Variants in CRYBA2 observed in about 807,000 individuals in gnomAD.
The protein encoded by CRYBA2 is beta-crystallin A2.
A neutral mutation model predicts 18.5 loss-of-function variants in CRYBA2; 17 were observed. The ratio of observed to expected loss-of-function variants is 0.92; its 90% CI spans 0.63 to 1.38. The LOEUF (loss-of-function observed/expected upper bound fraction) is 1.38, where lower values mean the gene tolerates loss of function less well. Ranked by LOEUF, CRYBA2 falls within the 40% of genes most tolerant of loss-of-function variation. The probability of loss-of-function intolerance (pLI) is 0.00; values close to 1 mark genes in which losing one functional copy is unlikely to be tolerated. For missense variants in CRYBA2, 271 were observed against 265.0 expected (o/e 1.02, Z -0.16); for synonymous variants, 101 against 106.2 (o/e 0.95, Z 0.30).
chr2:218,992,336 C>T (rs763366334), intron 1 of CRYBA2, 93 bp from the exon 2 acceptor site: 13 of 1,363,496 alleles, frequency 9.5e-6, no homozygotes, highest in Admixed American at 4.2e-5. Flanking sequence ...CTGAGAAGCA[C>T]AATGTTTTTC....
Position 218,990,898 on chromosome 2 carries a change from C to A in CRYBA2, c.400G>T (p.Gly134Cys). 1 of 1,614,158 alleles carries A rather than the reference C, an allele frequency of 6.2e-7. No individual in the cohort carries two copies. Among genetic ancestry groups the A allele is most frequent in the East Asian group, 2.2e-5 (1 of 44,882 alleles). ...GAACCCACATCCTTGCTGGCCCAGC[C>A]CATGGAGGGCAGGGATGGGTAGTCA... is the stretch of plus-strand genomic sequence containing the variant. Reference protein sequence around the residue: ...VDDYPSLPSMGWASKDVGSLK... With the variant: ...VDDYPSLPSMCWASKDVGSLK... Residue 134 changes from glycine to cysteine, a missense_variant, in exon 3 of 4, where the codon GGC becomes TGC. Transcript: ENST00000295728.
chr2:218,992,945 G>T, intron 1 of CRYBA2, 71 bp downstream of exon 1: 6 of 1,282,258 alleles, frequency 4.7e-6, no homozygotes, highest in Middle Eastern at 1.9e-4. Context: ...AGGGGGCTGA[G>T]GCTCTGAGCC....
At position 218,990,965 on chromosome 2, in the gene CRYBA2, A is replaced by C. The variant is rs2106017748; in HGVS notation, c.333T>G (p.Phe111Leu). The C allele has an allele frequency of 1.2e-6, 2 of 1,614,164 alleles. No individual in the cohort carries two copies. The highest frequency in any genetic ancestry group is 2.2e-5 in the East Asian group (1 of 44,880). Residue 111 changes from phenylalanine to leucine, a missense_variant, in exon 3 of 4, where the codon TTT becomes TTG. Physicochemically the swap from Phe to Leu is conservative, Grantham distance 22. Transcript: ENST00000295728. ...TGCAGCCTTGGAAGTTGTCCCCCTCAAACAGTGTCACACGGCTGTCATTGT... is the reference window on the plus strand; with the variant it reads ...TGCAGCCTTGGAAGTTGTCCCCCTCCAACAGTGTCACACGGCTGTCATTGT... ...ANHNDSRVTLFEGDNFQGCKF... is the reference protein window; with the variant it reads ...ANHNDSRVTLLEGDNFQGCKF...
chr2:218,991,898 A>G, intron 2 of CRYBA2: 1 of 577,780 alleles, frequency 1.7e-6, no homozygotes, highest in South Asian at 2.2e-5. Flanking sequence ...GTCCGTGGTG[A>G]TGATTTCTGG....
rs76978565 is a variant in CRYBA2, at chr2:218,990,742, C to T, written c.446+110G>A. ...CATCTCCCTCCCCTTGCCTCCAAGT[C>T]CCCAATATCTCTCTTAGCGCCCTCC... On this transcript the variant is annotated intron_variant, in intron 3 of 3. Coordinates refer to ENST00000295728, the MANE Select transcript of CRYBA2 (RefSeq NM_057093.2). 9.7e-4 allele frequency: 1,356 copies of T among 1,391,126 alleles called. 3 individuals are homozygous for T. The highest frequency in any genetic ancestry group is 1.2e-3 in the Non-Finnish European group (1,205 of 1,013,196). The allele number at this position is 1,391,126 out of a possible 1,614,324, so 86.2% of individuals were successfully genotyped here. A position where few individuals can be genotyped will look rare whatever the true frequency, so the allele number is the denominator to read the frequency against.
chr2:218,991,119 C>T (rs1157165603), intron 2 of CRYBA2, 125 bp from the exon 3 acceptor site: 1 of 1,442,646 alleles, frequency 6.9e-7, no homozygotes, highest in Non-Finnish European at 9.4e-7. Flanking sequence ...GACCCACAGG[C>T]ACTCCCAGAG....
Position 218,993,351 on chromosome 2 carries a change from C to T in CRYBA2, c.-175G>A, listed in dbSNP as rs1945522746. ...AGTCTTCCCGCGCTCCCCTCCCTTC[C>T]CCACCCCAGCAGAGGGCATTCACCG... On this transcript the variant is annotated 5_prime_UTR_variant, in exon 1 of 4. Transcript: ENST00000295728. This position sits in a 1 kb window ranked among gnomAD's most constrained non-coding sequence, Gnocchi z 7.7. 1.6e-6 allele frequency: 1 copy of T among 614,810 alleles called. No individual in the cohort carries two copies. 38.1% of individuals were successfully genotyped at this position (614,810 alleles called of 1,614,324 possible).
chr2:218,992,230 C>T lies in CRYBA2; in HGVS notation c.175G>A (p.Glu59Lys). The change falls in exon 2 of 4, where the codon GAG becomes AAG. Residue 59 changes from glutamate to lysine, a missense_variant. Glu to Lys is a moderately conservative substitution (Grantham distance 56). Transcript: ENST00000295728. ...KVENGVWVAF[E>K]YPDFQGQQFI... ...TGCTGTCCCTGGAAGTCGGGGTACT[C>T]AAAGGCCACCCAACTGGAAAAGGAG... is the stretch of plus-strand genomic sequence containing the variant. 1 of 1,613,424 alleles carries T rather than the reference C, an allele frequency of 6.2e-7. No individual in the cohort carries two copies. Among genetic ancestry groups the T allele is most frequent in the Non-Finnish European group, 8.5e-7 (1 of 1,179,908 alleles).
rs1945481859 is a variant in CRYBA2 at position 218,990,399 on chromosome 2, C to G, written c.447G>C (p.Ala149=). The G allele has an allele frequency of 6.2e-7, 1 of 1,614,016 alleles. No homozygotes were observed. The highest frequency in any genetic ancestry group is 2.2e-5 in the East Asian group (1 of 44,878). ...AGCCTGGGTACTGGTAGGCCACCCA[C>G]CTAGGCCAGTGAGGGTACAGAGGCA... ...DVGSLKVSSG[A]WVAYQYPGYR... The change falls in exon 4 of 4, where the codon GCG becomes GCC. Residue 149 remains alanine, a splice_region_variant and synonymous_variant. Coordinates refer to ENST00000295728, the MANE Select transcript of CRYBA2 (RefSeq NM_057093.2).
intron 1 of CRYBA2, among the ~76,000 whole-genome samples, chr2:218,992,585 C>G (rs1332671641): frequency 6.6e-6 from 1 of 152,044 alleles, no homozygotes. Context: ...AATATCACAG[C>G]AGAAACTGGG....
At chr2:218,990,738 A>C in intron 3 of CRYBA2, 114 bp downstream of exon 3, 1 of 1,354,572 alleles carries the variant, frequency 7.4e-7, no homozygotes, top group South Asian at 1.4e-5. Context: ...CCTTGCCTCC[A>C]AGTCCCCAAT....
At chr2:218,990,795 T>G in intron 3 of CRYBA2, 57 bp downstream of exon 3, 1 of 1,590,530 alleles carries the variant, frequency 6.3e-7, no homozygotes, top group Non-Finnish European at 8.6e-7. Context: ...ACCCTCTTCC[T>G]TGGTCCCCAT....
In CRYBA2 at chr2:218,990,444, AC is replaced by A. The variant is rs746009855; in HGVS notation, c.447-46del. 4.4e-5 allele frequency: 53 copies of A among 1,215,396 alleles called. No homozygotes were observed. The East Asian group carries it at 1.6e-3, about 36-fold the overall frequency. The allele number at this position is 1,215,396 out of a possible 1,614,324, so 75.3% of individuals were successfully genotyped here. On this transcript the variant is annotated intron_variant, in intron 3 of 3. Transcript: ENST00000295728. ...GAGGCAGGGAGTAAGCTCTGCCCCC[AC>A]CCCCACCCTATGTTCTCCACCAGCA...
In CRYBA2 at chr2:218,992,259, A is replaced by C. The variant is rs1945506866; in HGVS notation, c.162-16T>G. On this transcript the variant is annotated splice_polypyrimidine_tract_variant and intron_variant, in intron 1 of 3. Transcript: ENST00000295728. ...GGCCACCCAACTGGAAAAGGAGAAG[A>C]GCTGGGAGGTATCTGCCCCAGCCGC... 1 of 1,611,774 alleles carries C rather than the reference A, an allele frequency of 6.2e-7. No individual in the cohort carries two copies. Among genetic ancestry groups the C allele is most frequent in the Admixed American group, 1.7e-5 (1 of 59,880 alleles).
Position 218,993,266 on chromosome 2 carries a change from GGATGAA to G in CRYBA2, c.-96_-91del. ...ACACAGCCTGCCCAACCTGGGTAGCGGATGAAGAACCCGGGGGCTGGACCCGGCCTA... is the reference window on the plus strand; with the variant it reads ...ACACAGCCTGCCCAACCTGGGTAGCGGAACCCGGGGGCTGGACCCGGCCTA... On this transcript the variant is annotated 5_prime_UTR_variant, in exon 1 of 4. Coordinates refer to ENST00000295728, the MANE Select transcript of CRYBA2 (RefSeq NM_057093.2). This position sits in a 1 kb window ranked among gnomAD's most constrained non-coding sequence, Gnocchi z 7.7. The G allele has an allele frequency of 7.4e-7, 1 of 1,350,440 alleles. No homozygotes were observed. The highest frequency in any genetic ancestry group is 2.6e-5 in the East Asian group (1 of 38,738). 83.7% of individuals were successfully genotyped at this position (1,350,440 alleles called of 1,614,324 possible).
In CRYBA2 at chr2:218,993,347, C is replaced by G; in HGVS notation, c.-171G>C. 1 of 622,760 alleles carries G rather than the reference C, an allele frequency of 1.6e-6. No homozygotes were observed. Among genetic ancestry groups the G allele is most frequent in the Non-Finnish European group, 2.7e-6 (1 of 366,730 alleles). The allele number at this position is 622,760 out of a possible 1,614,324, so 38.6% of individuals were successfully genotyped here. A position where few individuals can be genotyped will look rare whatever the true frequency, so the allele number is the denominator to read the frequency against. ...TCGCAGTCTTCCCGCGCTCCCCTCC[C>G]TTCCCCACCCCAGCAGAGGGCATTC... On this transcript the variant is annotated 5_prime_UTR_variant, in exon 1 of 4. Transcript: ENST00000295728. This position sits in a 1 kb window ranked among gnomAD's most constrained non-coding sequence, Gnocchi z 7.7.
In CRYBA2 at chr2:218,990,857, G is replaced by C; in HGVS notation, c.441C>G (p.Ser147=). ...GTTCCAGTTCCAGGACTCACGCTCC[G>C]GAGCTGACTTTGAGGGAACCCACAT... The part of the protein sequence containing the change: ...SKDVGSLKVS[S]GAWVAYQYPG... The change falls in exon 3 of 4, where the codon TCC becomes TCG. Residue 147 remains serine (S), a synonymous_variant. Transcript: ENST00000295728. 6.2e-7 allele frequency: 1 copy of C among 1,613,460 alleles called. No homozygotes were observed. The highest frequency in any genetic ancestry group is 8.5e-7 in the Non-Finnish European group (1 of 1,179,564).
chr2:218,992,643 G>A (rs1484536035), intron 1 of CRYBA2, among the ~76,000 whole-genome samples: 1 of 152,118 alleles, frequency 6.6e-6, no homozygotes, highest in Non-Finnish European at 1.5e-5. Context: ...GAAAAGCTGG[G>A]CTCTGGGAGA....
At position 218,992,235 on chromosome 2, in the gene CRYBA2, G is replaced by C. The variant is rs776800568; in HGVS notation, c.170C>G (p.Ala57Gly). Residue 57 changes from alanine to glycine, a missense_variant, in exon 2 of 4, where the codon GCC becomes GGC. Transcript: ENST00000295728. The part of the protein sequence containing the change: ...SVKVENGVWV[A>G]FEYPDFQGQQ... ...TCCCTGGAAGTCGGGGTACTCAAAG[G>C]CCACCCAACTGGAAAAGGAGAAGAG... The C allele has an allele frequency of 1.2e-5, 19 of 1,613,274 alleles. No individual in the cohort carries two copies. Among genetic ancestry groups the C allele is most frequent in the Non-Finnish European group, 1.6e-5 (19 of 1,179,876 alleles).
Sources: allele counts gnomAD v4.1 joint callset (sites outside exome capture counted in the v4.1 genomes callset), GRCh38; gene constraint gnomAD v4.1.1; non-coding constraint Gnocchi (gnomAD v3.1); transcripts MANE v1.5; gene names NCBI Gene and HGNC (gene_info 2026-07-23, HGNC 2026-07-21).